ZFPM2: variants seen among roughly 807,000 people sequenced by gnomAD.
ZFPM2 encodes the protein zinc finger protein, FOG family member 2, also known as zinc finger protein ZFPM2.
A neutral mutation model predicts 98.6 loss-of-function variants in ZFPM2; 20 were observed. That is an observed-to-expected ratio of 0.20 (90% confidence interval 0.14 to 0.29). The LOEUF is 0.29. Among genes scored for constraint, ZFPM2 ranks in the 10% least tolerant of loss-of-function variants. ZFPM2 has a pLI of 1.00. For missense variants in ZFPM2, 1,310 were observed against 1,388.6 expected (o/e 0.94, Z 0.90); for synonymous variants, 518 against 502.7 (o/e 1.03, Z -0.41).
At position 105,318,865 on chromosome 8, in the gene ZFPM2, C is replaced by T. The variant is rs2957438; in HGVS notation, c.-77C>T. The T allele has an allele frequency of 2.4e-4, 26 of 109,750 alleles. 1 individual carries two copies. The highest frequency in any genetic ancestry group is 2.8e-4 in the Non-Finnish European group (26 of 91,460). The allele number at this position is 109,750 out of a possible 1,614,324, so 6.8% of individuals were successfully genotyped here. A position where few individuals can be genotyped will look rare whatever the true frequency, so the allele number is the denominator to read the frequency against. On this transcript the variant is annotated 5_prime_UTR_variant, in exon 1 of 8. Transcript: ENST00000407775. Reference sequence around the variant, plus strand: ...TGGCCAGCGGCGGCGGCGGCGGCGGCGGCGGCGGGAGCCGAGGGAGCGGCA... The same window carrying T: ...TGGCCAGCGGCGGCGGCGGCGGCGGTGGCGGCGGGAGCCGAGGGAGCGGCA...
intron 1 of ZFPM2, among the ~76,000 whole-genome samples, chr8:105,411,516 A>T (rs1374387309): frequency 6.6e-6 from 1 of 151,714 alleles, no homozygotes; most frequent in Non-Finnish European, 1.5e-5. Context: ...AATACATAAA[A>T]CTCTCATAAA....
At chr8:105,654,930 T>C (rs1162661673) in intron 5 of ZFPM2, among the ~76,000 whole-genome samples, 1 of 152,238 alleles carries the variant, frequency 6.6e-6, no homozygotes, top group Non-Finnish European at 1.5e-5. Flanking sequence ...TTCTATGATA[T>C]AAAGTTTATT....
intron 3 of ZFPM2, among the ~76,000 whole-genome samples, chr8:105,471,450 G>C (rs561495610): frequency 2.9e-4 from 44 of 152,160 alleles, no homozygotes; most frequent in Non-Finnish European, 5.4e-4. Context: ...TCATTCTGAA[G>C]TGGTACCACT....
At chr8:105,541,507 AGTTT>A (rs1297386559) in intron 3 of ZFPM2, among the ~76,000 whole-genome samples, 2 of 152,180 alleles carry the variant, frequency 1.3e-5, no homozygotes, top group African/African-American at 4.8e-5. Flanking sequence ...TATTGAACAG[AGTTT>A]CAGAGGAATA....
chr8:105,728,612 A>G (rs1811865487), intron 5 of ZFPM2, among the ~76,000 whole-genome samples: 1 of 151,766 alleles, frequency 6.6e-6, no homozygotes, highest in Non-Finnish European at 1.5e-5. Flanking sequence ...AGCCTTCTCC[A>G]AGGGAGACAC....
intron 3 of ZFPM2, among the ~76,000 whole-genome samples, chr8:105,480,678 A>T (rs1429987554): frequency 3.3e-5 from 5 of 152,202 alleles, no homozygotes; most frequent in African/African-American, 1.2e-4. Context: ...TTGCAGGGAG[A>T]AGAAATATTT....
intron 3 of ZFPM2, among the ~76,000 whole-genome samples, chr8:105,506,988 C>A (rs1414246679): frequency 0.025 from 2,775 of 111,048 alleles, 1 homozygote; most frequent in African/African-American, 0.032. Context: ...ACTCCGTCTC[C>A]AAAAAAAAAA....
At chr8:105,413,583 G>T (rs1398166173) in intron 1 of ZFPM2, among the ~76,000 whole-genome samples, 1 of 150,266 alleles carries the variant, frequency 6.7e-6, no homozygotes, top group Non-Finnish European at 1.5e-5. Context: ...ATGATTTGGA[G>T]GTTCCTTTTG....
intron 3 of ZFPM2, among the ~76,000 whole-genome samples, chr8:105,515,025 G>C (rs1218376337): frequency 1.6e-5 from 2 of 122,012 alleles, no homozygotes; most frequent in Non-Finnish European, 3.2e-5. Context: ...AAGGACACAG[G>C]GTATAACATT....
chr8:105,377,306 C>A (rs1810746812), intron 1 of ZFPM2, among the ~76,000 whole-genome samples: 2 of 152,074 alleles, frequency 1.3e-5, no homozygotes, highest in South Asian at 4.1e-4. Flanking sequence ...TTTGTTTATG[C>A]AGTTTATTTA....
intron 5 of ZFPM2, among the ~76,000 whole-genome samples, chr8:105,715,670 T>A (rs1811507768): frequency 6.6e-6 from 1 of 152,014 alleles, no homozygotes; most frequent in South Asian, 2.1e-4. Flanking sequence ...ATTAACTGGC[T>A]TTTTCACCAA....
intron 4 of ZFPM2, among the ~76,000 whole-genome samples, chr8:105,596,061 C>A (rs1435241975): frequency 6.7e-6 from 1 of 149,018 alleles, no homozygotes; most frequent in African/African-American, 2.5e-5. Flanking sequence ...AATAAAGTTA[C>A]CAAAATAAAG....
chr8:105,629,410 T>C (rs143518432), intron 4 of ZFPM2, among the ~76,000 whole-genome samples: 17 of 152,364 alleles, frequency 1.1e-4, no homozygotes, highest in African/African-American at 3.4e-4. Flanking sequence ...TTTCACACTT[T>C]TGAGCACATT....
chr8:105,419,020 G>T, intron 1 of ZFPM2, 124 bp from the exon 2 acceptor site: 5 of 783,752 alleles, frequency 6.4e-6, no homozygotes, highest in South Asian at 5.5e-5. Flanking sequence ...GAGTCCCCTT[G>T]GTGGTACTAC....
intron 1 of ZFPM2, among the ~76,000 whole-genome samples, chr8:105,414,243 C>T (rs1289070228): frequency 6.6e-6 from 1 of 151,878 alleles, no homozygotes; most frequent in Non-Finnish European, 1.5e-5. Flanking sequence ...GAGAAGATCC[C>T]TTTTGGGGGA....
chr8:105,788,381 T>C (rs1813486576), intron 5 of ZFPM2, among the ~76,000 whole-genome samples: 1 of 152,240 alleles, frequency 6.6e-6, no homozygotes, highest in Non-Finnish European at 1.5e-5. Flanking sequence ...TCTACTATGC[T>C]GGTTTTTAGG....
At chr8:105,761,291 T>G (rs1812729945) in intron 5 of ZFPM2, among the ~76,000 whole-genome samples, 1 of 151,984 alleles carries the variant, frequency 6.6e-6, no homozygotes, top group African/African-American at 2.4e-5. Flanking sequence ...GCTCTATGTA[T>G]TCTTTCACCC....
chr8:105,704,654 A>C lies in ZFPM2; in HGVS notation c.532+70297A>C, dbSNP rs564202320. ...TTGCATTTAATTATGGAAGGCTGCAAGATTCCAATGACATATTTACCTCAT... is the reference window on the plus strand; with the variant it reads ...TTGCATTTAATTATGGAAGGCTGCACGATTCCAATGACATATTTACCTCAT... On this transcript the variant is annotated intron_variant, in intron 5 of 7. Coordinates refer to ENST00000407775, the MANE Select transcript of ZFPM2 (RefSeq NM_012082.4). Among the ~76,000 whole-genome samples, 5 of 152,352 alleles carry C rather than the reference A, an allele frequency of 3.3e-5. No homozygotes were observed. In the East Asian group the frequency reaches 5.8e-4, roughly 18 times the overall value.
chr8:105,766,405 G>T (rs542629665), intron 5 of ZFPM2, among the ~76,000 whole-genome samples: 176 of 151,946 alleles, frequency 1.2e-3, no homozygotes, highest in African/African-American at 4.1e-3. Context: ...AGTAGCTTGA[G>T]TTCCATCCTA....
Sources: allele counts gnomAD v4.1 joint callset (sites outside exome capture counted in the v4.1 genomes callset), GRCh38; gene constraint gnomAD v4.1.1; transcripts MANE v1.5; gene names NCBI Gene and HGNC (gene_info 2026-07-23, HGNC 2026-07-21).